The following AUTS2 variants were observed in gnomAD, a reference collection of about 807,000 sequenced individuals.
AUTS2 encodes autism susceptibility gene 2 protein.
Under a neutral mutation model 112.4 loss-of-function variants are expected in AUTS2, and 17 were observed. The observed-to-expected ratio is 0.15, with a 90% CI of 0.10 to 0.23. The LOEUF (loss-of-function observed/expected upper bound fraction) is 0.23, where lower values mean the gene tolerates loss of function less well. AUTS2 is among the 10% of genes least tolerant of loss of function. The pLI, the probability that AUTS2 is intolerant of heterozygous loss-of-function variation, is 1.00. For missense variants in AUTS2, 1,510 were observed against 1,701.6 expected (o/e 0.89, Z 1.98); for synonymous variants, 751 against 702.7 (o/e 1.07, Z -1.09).
At chr7:69,990,164 A>T (rs990879672) in intron 2 of AUTS2, among the ~76,000 whole-genome samples, 7 of 152,218 alleles carry the variant, frequency 4.6e-5, no homozygotes, top group African/African-American at 1.7e-4. Flanking sequence ...CCTTATCTGT[A>T]AAATAGGGTT....
At chr7:69,988,171 T>C (rs1314238039) in intron 2 of AUTS2, among the ~76,000 whole-genome samples, 1 of 152,216 alleles carries the variant, frequency 6.6e-6, no homozygotes, top group Non-Finnish European at 1.5e-5. Context: ...CTCTTTTTTG[T>C]TCACTCAGAT....
chr7:69,971,959 G>A lies in AUTS2; in HGVS notation c.522+72461G>A, dbSNP rs535600789. Among the ~76,000 whole-genome samples the A allele has an allele frequency of 5.3e-5, 8 of 152,228 alleles. No homozygotes were observed. In the South Asian group the frequency reaches 1.7e-3, roughly 32 times the overall value. On this transcript the variant is annotated intron_variant, in intron 2 of 18. Coordinates refer to ENST00000342771, the MANE Select transcript of AUTS2 (RefSeq NM_015570.4). Reference sequence around the variant, plus strand: ...TAATTGTCCAAGAGTGCAGTTGCTGGGTAGTATGTATAGTATTTGCGTGGT... The same window carrying A: ...TAATTGTCCAAGAGTGCAGTTGCTGAGTAGTATGTATAGTATTTGCGTGGT...
chr7:70,165,749 A>G (rs1808347610), intron 4 of AUTS2, among the ~76,000 whole-genome samples: 1 of 152,228 alleles, frequency 6.6e-6, no homozygotes, highest in Non-Finnish European at 1.5e-5. Flanking sequence ...GGACACCAGA[A>G]ATATAAAAAT....
chr7:69,638,133 T>G (rs1794632228), intron 1 of AUTS2, among the ~76,000 whole-genome samples: 1 of 152,116 alleles, frequency 6.6e-6, no homozygotes, highest in South Asian at 2.1e-4. Context: ...ATCCTCCTGC[T>G]TCAGCCTCCC....
chr7:70,435,646 T>A, intron 4 of AUTS2, 106 bp from the exon 5 acceptor site: 1 of 1,110,720 alleles, frequency 9.0e-7, no homozygotes, highest in Non-Finnish European at 1.4e-6. Flanking sequence ...TTATTTCCTT[T>A]ACTTATCTTG....
At chr7:69,731,434 G>A (rs909512479) in intron 1 of AUTS2, among the ~76,000 whole-genome samples, 7 of 152,166 alleles carry the variant, frequency 4.6e-5, no homozygotes, top group African/African-American at 1.7e-4. Flanking sequence ...GTAAAATGGG[G>A]ATAATATTGA....
At chr7:69,895,389 A>G (rs1342625464) in intron 1 of AUTS2, among the ~76,000 whole-genome samples, 1 of 152,214 alleles carries the variant, frequency 6.6e-6, no homozygotes, top group Non-Finnish European at 1.5e-5. Context: ...AGTAATTTAT[A>G]AATAAAGGTA....
At chr7:70,537,958 G>C (rs1053934595) in intron 5 of AUTS2, among the ~76,000 whole-genome samples, 6 of 152,322 alleles carry the variant, frequency 3.9e-5, no homozygotes, top group African/African-American at 1.4e-4. Context: ...CTTCCAAAGA[G>C]ATAAATGAGG....
intron 2 of AUTS2, among the ~76,000 whole-genome samples, chr7:69,947,225 T>A (rs1249080044): frequency 6.6e-6 from 1 of 152,138 alleles, no homozygotes; most frequent in Non-Finnish European, 1.5e-5. Flanking sequence ...GGGGTAGTTA[T>A]GTTGTGTGCA....
At chr7:69,632,342 C>G (rs895951061) in intron 1 of AUTS2, among the ~76,000 whole-genome samples, 3 of 152,148 alleles carry the variant, frequency 2.0e-5, no homozygotes, top group Admixed American at 6.5e-5. Flanking sequence ...ATAACAGACA[C>G]TCAATAAATA....
At chr7:69,662,954 T>C (rs1459849165) in intron 1 of AUTS2, among the ~76,000 whole-genome samples, 2 of 152,308 alleles carry the variant, frequency 1.3e-5, no homozygotes, top group South Asian at 2.1e-4. Flanking sequence ...TTTCCACAAA[T>C]AGATCAGACC....
At chr7:70,606,062 G>A (rs1278880788) in intron 5 of AUTS2, among the ~76,000 whole-genome samples, 2 of 152,318 alleles carry the variant, frequency 1.3e-5, no homozygotes, top group South Asian at 4.1e-4. Context: ...TGGAGCTGGT[G>A]CTATATGTCC....
At chr7:69,999,818 G>A (rs1799105814) in intron 2 of AUTS2, among the ~76,000 whole-genome samples, 1 of 152,120 alleles carries the variant, frequency 6.6e-6, no homozygotes. Context: ...ATTTTAAAAG[G>A]CCTAAATCTT....
chr7:69,601,675 T>G (rs1353974954), intron 1 of AUTS2, among the ~76,000 whole-genome samples: 1 of 152,064 alleles, frequency 6.6e-6, no homozygotes, highest in Non-Finnish European at 1.5e-5. Flanking sequence ...AATTGGTGCT[T>G]TATTGGCCAA....
chr7:70,490,550 A>G (rs545503540), intron 5 of AUTS2, among the ~76,000 whole-genome samples: 1 of 152,084 alleles, frequency 6.6e-6, no homozygotes, highest in South Asian at 2.1e-4. Context: ...ACTGCACCCT[A>G]TACCAGCAGA....
chr7:70,162,785 A>G (rs1808161326), intron 4 of AUTS2, among the ~76,000 whole-genome samples: 1 of 152,210 alleles, frequency 6.6e-6, no homozygotes, highest in African/African-American at 2.4e-5. Flanking sequence ...CATCAGTGCA[A>G]ATCTTACCCT....
At chr7:69,958,466 A>G (rs1231261448) in intron 2 of AUTS2, among the ~76,000 whole-genome samples, 1 of 152,102 alleles carries the variant, frequency 6.6e-6, no homozygotes, top group Non-Finnish European at 1.5e-5. Context: ...TTGCAAGAAA[A>G]TACTTCCATC....
intron 2 of AUTS2, among the ~76,000 whole-genome samples, chr7:70,088,970 T>C (rs752239906): frequency 1.3e-5 from 2 of 152,222 alleles, no homozygotes; most frequent in Non-Finnish European, 2.9e-5. Context: ...CAAAATACTT[T>C]CTAATTTTTC....
At chr7:70,421,244 G>A (rs1186058700) in intron 4 of AUTS2, among the ~76,000 whole-genome samples, 2 of 151,838 alleles carry the variant, frequency 1.3e-5, no homozygotes, top group Non-Finnish European at 2.9e-5. Context: ...ACAAAAAAAG[G>A]TATTTAGAAA....
Sources: gnomAD v4.1 joint callset for allele counts (sites outside exome capture counted in the v4.1 genomes callset) on GRCh38, gnomAD v4.1.1 for gene constraint, MANE v1.5 for transcripts, NCBI Gene and HGNC (gene_info 2026-07-23, HGNC 2026-07-21) for gene names.